ACAA2: variants seen among roughly 807,000 people sequenced by gnomAD.
ACAA2 encodes the protein acetyl-CoA acyltransferase 2.
In ACAA2, 35 loss-of-function variants were observed where a neutral mutation model predicts 44.8. That is an observed-to-expected ratio of 0.78 (90% CI 0.60 to 1.04). The LOEUF is 1.04. Ranked by LOEUF, ACAA2 falls within the 50% of genes least tolerant of loss-of-function variation. The pLI, the probability that ACAA2 is intolerant of heterozygous loss-of-function variation, is 0.00. For synonymous variants in ACAA2, 142 were observed against 166.5 expected (o/e 0.85, Z 1.13); for missense variants, 468 against 482.6 (o/e 0.97, Z 0.28).
chr18:49,799,437 C>T (rs1425985320), intron 2 of ACAA2, among the ~76,000 whole-genome samples: 1 of 152,208 alleles, frequency 6.6e-6, no homozygotes, highest in Non-Finnish European at 1.5e-5. Flanking sequence ...GGCTGGTCTC[C>T]AGCTCCTAAC....
intron 7 of ACAA2, among the ~76,000 whole-genome samples, chr18:49,789,296 C>T (rs911627433): frequency 1.3e-5 from 2 of 152,130 alleles, no homozygotes; most frequent in African/African-American, 4.8e-5. Context: ...CCAGTTCCCA[C>T]TAGATACTTA....
In ACAA2 at chr18:49,805,646, C is replaced by T. The variant is rs559710335; in HGVS notation, c.17-2793G>A. Among the ~76,000 whole-genome samples, 7 of 151,968 alleles carry T rather than the reference C, an allele frequency of 4.6e-5. No individual in the cohort carries two copies. In the South Asian group the frequency reaches 6.2e-4, roughly 14 times the overall value. ...ATGTGATCACAGCTCCCTGCAGCCTCGACCTCTGCAGCCTCGACTTTCCCA... is the reference window on the plus strand; with the variant it reads ...ATGTGATCACAGCTCCCTGCAGCCTTGACCTCTGCAGCCTCGACTTTCCCA... On this transcript the variant is annotated intron_variant, in intron 1 of 9. Transcript: ENST00000285093.
chr18:49,808,511 G>A (rs531486033), intron 1 of ACAA2, among the ~76,000 whole-genome samples: 17 of 152,238 alleles, frequency 1.1e-4, no homozygotes, highest in African/African-American at 2.9e-4. Flanking sequence ...AGTGTCGGCC[G>A]GTCTGAGAAA....
intron 9 of ACAA2, among the ~76,000 whole-genome samples, chr18:49,784,959 A>AC: frequency 6.6e-6 from 1 of 152,298 alleles, no homozygotes; most frequent in East Asian, 1.9e-4. Context: ...CACACAGTGC[A>AC]CAGAGACTGG....
intron 4 of ACAA2, among the ~76,000 whole-genome samples, chr18:49,795,169 C>T (rs1211136731): frequency 6.6e-6 from 1 of 152,060 alleles, no homozygotes; most frequent in African/African-American, 2.4e-5. Context: ...ATAGAAAATG[C>T]TAAAAAATAT....
chr18:49,809,984 A>C (rs1279874795), intron 1 of ACAA2, among the ~76,000 whole-genome samples: 1 of 152,186 alleles, frequency 6.6e-6, no homozygotes, highest in African/African-American at 2.4e-5. Flanking sequence ...ACATGGTAAT[A>C]CTCCGTACTT....
intron 1 of ACAA2, among the ~76,000 whole-genome samples, chr18:49,810,244 C>G (rs550637961): frequency 6.6e-6 from 1 of 152,154 alleles, no homozygotes; most frequent in African/African-American, 2.4e-5. Context: ...AAACACCACA[C>G]GTAACACTCC....
At chr18:49,803,028 C>G in intron 1 of ACAA2, 175 bp from the exon 2 acceptor site, 1 of 716,902 alleles carries the variant, frequency 1.4e-6, no homozygotes. Context: ...TAAGGACTAC[C>G]AGTTTGACAG....
intron 8 of ACAA2, chr18:49,785,697 T>G (rs886905196): frequency 1.6e-5 from 4 of 245,614 alleles, no homozygotes; most frequent in African/African-American, 9.2e-5. Context: ...TGTGACCTTA[T>G]GCATATTCTT....
chr18:49,786,510 G>C (rs984506133), intron 8 of ACAA2: 3 of 152,142 alleles, frequency 2.0e-5, no homozygotes, highest in Non-Finnish European at 2.9e-5. Context: ...TAAACCATTT[G>C]TCTGAAATCA....
intron 4 of ACAA2, among the ~76,000 whole-genome samples, chr18:49,795,337 T>C (rs1397606722): frequency 1.3e-5 from 2 of 152,210 alleles, no homozygotes; most frequent in Non-Finnish European, 2.9e-5. Context: ...TTTTCTGTGA[T>C]GATGAAGAAA....
At chr18:49,809,736 T>C (rs2023648421) in intron 1 of ACAA2, among the ~76,000 whole-genome samples, 2 of 152,160 alleles carry the variant, frequency 1.3e-5, no homozygotes, top group Admixed American at 1.3e-4. Flanking sequence ...GATAAATAAG[T>C]GAATCACAGA....
chr18:49,785,134 C>G (rs1323725332), intron 9 of ACAA2, 63 bp downstream of exon 9: 1 of 1,574,670 alleles, frequency 6.4e-7, no homozygotes, highest in Non-Finnish European at 8.6e-7. Context: ...TCTGGGGAAG[C>G]CTAAATCCAT....
chr18:49,800,769 G>A lies in ACAA2; in HGVS notation c.183+1918C>T, dbSNP rs374394432. 1.2e-4 allele frequency among the ~76,000 whole-genome samples: 19 copies of A among 152,114 alleles called. No individual in the cohort carries two copies. In the East Asian group the frequency reaches 2.7e-3, roughly 22 times the overall value. ...AGGGACACAAACACTGCAGAAGGCC[G>A]CAGGGTCCTCTGCCTAGGAAAACCA... On this transcript the variant is annotated intron_variant, in intron 2 of 9. Coordinates refer to ENST00000285093, the MANE Select transcript of ACAA2 (RefSeq NM_006111.3).
chr18:49,811,489 G>T (rs2143986344), intron 1 of ACAA2: 1 of 152,222 alleles, frequency 6.6e-6, no homozygotes, highest in Middle Eastern at 3.4e-3. Context: ...TACTGGGATG[G>T]GTGCTAATAA....
At position 49,802,730 on chromosome 18, in the gene ACAA2, G is replaced by A; in HGVS notation, c.140C>T (p.Ser47Leu). Residue 47 changes from serine (S) to leucine (L), a missense_variant, in exon 2 of 10, where the codon TCA becomes TTA. Transcript: ENST00000285093. ...AKAALSAGKV[S>L]PETVDSVIMG... is the part of the protein sequence containing the mutation. ...AATCACACTGTCAACTGTTTCAGGT[G>A]AGACTTTGCCAGCAGACAAGGCAGC... is the stretch of plus-strand genomic sequence containing the variant. 2 of 1,614,092 alleles carry A rather than the reference G, an allele frequency of 1.2e-6. No homozygotes were observed. The highest frequency in any genetic ancestry group is 2.2e-5 in the East Asian group (1 of 44,890).
At chr18:49,800,232 C>A (rs1362776339) in intron 2 of ACAA2, among the ~76,000 whole-genome samples, 10 of 144,072 alleles carry the variant, frequency 6.9e-5, no homozygotes, top group Non-Finnish European at 1.2e-4. Context: ...GGGGGTCAGC[C>A]CCCCGCCCGG....
intron 8 of ACAA2, chr18:49,786,527 CCTGTG>C (rs1488402057): frequency 6.6e-6 from 1 of 152,162 alleles, no homozygotes; most frequent in East Asian, 1.9e-4. Flanking sequence ...ATCATGGTTT[CCTGTG>C]TGAGAGATTA....
At chr18:49,797,665 A>G (rs1205500299) in intron 2 of ACAA2, 71 bp from the exon 3 acceptor site, 24 of 1,314,980 alleles carry the variant, frequency 1.8e-5, no homozygotes, top group Non-Finnish European at 2.5e-5. Context: ...CACGAAATAC[A>G]TGGAAATGTT....
Sources: allele counts gnomAD v4.1 joint callset (sites outside exome capture counted in the v4.1 genomes callset), GRCh38; gene constraint gnomAD v4.1.1; transcripts MANE v1.5; gene names NCBI Gene and HGNC (gene_info 2026-07-23, HGNC 2026-07-21).